The following BCL2 variants were observed in gnomAD, a reference collection of about 807,000 sequenced individuals.
BCL2 encodes apoptosis regulator Bcl-2.
BCL2 carries 1 observed loss-of-function variant against 14.2 expected under a neutral mutation model. The ratio of observed to expected loss-of-function variants is 0.07; its 90% CI spans 0.02 to 0.33. The LOEUF is 0.33. BCL2 is among the 10% of genes least tolerant of loss of function. BCL2 has a pLI of 0.99. For synonymous variants in BCL2, 151 were observed against 137.2 expected (o/e 1.10, Z -0.70); for missense variants, 247 against 305.9 (o/e 0.81, Z 1.44).
intron 2 of BCL2, among the ~76,000 whole-genome samples, chr18:63,198,952 C>CACACACAGACACACACTG (rs1909588980): frequency 6.8e-6 from 1 of 146,954 alleles, no homozygotes; most frequent in Non-Finnish European, 1.5e-5. Flanking sequence ...GACACAGAGA[C>CACACACAGACACACACTG]ACACACAGAC....
intron 2 of BCL2, among the ~76,000 whole-genome samples, chr18:63,170,279 T>C (rs1202647016): frequency 6.6e-6 from 1 of 152,052 alleles, no homozygotes; most frequent in Admixed American, 6.6e-5. Context: ...GAATAACTCA[T>C]TGAACTAAGC....
chr18:63,245,391 T>C (rs930627489), intron 2 of BCL2, among the ~76,000 whole-genome samples: 7 of 118,376 alleles, frequency 5.9e-5, no homozygotes, highest in Non-Finnish European at 1.5e-4. Flanking sequence ...TCAGTGCCAA[T>C]ACATTTCAAC....
chr18:63,317,849 G>A (rs771331866), intron 2 of BCL2: 99 of 1,401,878 alleles, frequency 7.1e-5, no homozygotes, highest in Non-Finnish European at 8.6e-5. Context: ...TAGATCTTTG[G>A]ATCTCCACGA....
intron 2 of BCL2, among the ~76,000 whole-genome samples, chr18:63,255,625 C>T (rs1167144450): frequency 1.3e-5 from 2 of 152,090 alleles, no homozygotes; most frequent in Admixed American, 1.3e-4. Flanking sequence ...TTGCAATTGA[C>T]CTGCTGACTA....
intron 2 of BCL2, among the ~76,000 whole-genome samples, chr18:63,131,307 C>T (rs1914063859): frequency 6.6e-6 from 1 of 152,176 alleles, no homozygotes; most frequent in Non-Finnish European, 1.5e-5. Flanking sequence ...GGAGAGGGCG[C>T]AAGGGCTTTC....
intron 2 of BCL2, among the ~76,000 whole-genome samples, chr18:63,260,918 A>C (rs540182470): frequency 3.3e-5 from 5 of 152,352 alleles, no homozygotes; most frequent in African/African-American, 9.6e-5. Flanking sequence ...CAGCACCCAT[A>C]ATATGTTAAA....
At chr18:63,129,487 C>T (rs776726506) in intron 2 of BCL2, among the ~76,000 whole-genome samples, 3 of 152,100 alleles carry the variant, frequency 2.0e-5, no homozygotes, top group Non-Finnish European at 4.4e-5. Context: ...CTATACTTTC[C>T]AGGCTGGTCT....
At chr18:63,302,513 A>G (rs1912993518) in intron 2 of BCL2, 1 of 985,294 alleles carries the variant, frequency 1.0e-6, no homozygotes. Context: ...CTACTCTAAA[A>G]AGTCATAACA....
In BCL2 at chr18:63,125,561, A is replaced by G. The variant is rs4987858; in HGVS notation, c.*3064T>C. The G allele has an allele frequency of 3.2e-3, 693 of 215,054 alleles. 2 individuals carry two copies. Among genetic ancestry groups the G allele is most frequent in the African/African-American group, 0.014 (629 of 44,478 alleles). 13.3% of individuals were successfully genotyped at this position (215,054 alleles called of 1,614,324 possible). On this transcript the variant is annotated 3_prime_UTR_variant, in exon 3 of 3. Coordinates refer to ENST00000333681, the MANE Select transcript of BCL2 (RefSeq NM_000633.3). ...CTGGCCAGTGTAAAGAGGAGTACATACAGAGGACTGTTTTTTCATTCATAA... is the reference window on the plus strand; with the variant it reads ...CTGGCCAGTGTAAAGAGGAGTACATGCAGAGGACTGTTTTTTCATTCATAA...
At chr18:63,202,264 G>A (rs904623318) in intron 2 of BCL2, among the ~76,000 whole-genome samples, 2 of 152,208 alleles carry the variant, frequency 1.3e-5, no homozygotes, top group African/African-American at 2.4e-5. Context: ...AGACGAGATC[G>A]GGCCACTGCA....
intron 2 of BCL2, among the ~76,000 whole-genome samples, chr18:63,267,464 C>T (rs75518920): frequency 0.039 from 5,868 of 152,074 alleles, 259 homozygotes; most frequent in African/African-American, 0.096. Flanking sequence ...AGAGGTGGGA[C>T]AGAAGAAAGA....
intron 2 of BCL2, among the ~76,000 whole-genome samples, chr18:63,201,887 G>A (rs1909705254): frequency 6.6e-6 from 1 of 152,098 alleles, no homozygotes; most frequent in African/African-American, 2.4e-5. Flanking sequence ...ATGTGACAGG[G>A]TGATGAGTGC....
intron 2 of BCL2, among the ~76,000 whole-genome samples, chr18:63,170,906 C>A (rs561376357): frequency 1.3e-5 from 2 of 152,168 alleles, no homozygotes; most frequent in African/African-American, 4.8e-5. Context: ...TTACACCAAT[C>A]GAGTGTCTTC....
chr18:63,286,715 A>T (rs1048519058), intron 2 of BCL2, among the ~76,000 whole-genome samples: 2 of 152,098 alleles, frequency 1.3e-5, no homozygotes, highest in Non-Finnish European at 2.9e-5. Context: ...TCCAGGTGAG[A>T]GGCAAGAAGT....
chr18:63,244,931 C>T (rs951856427), intron 2 of BCL2, among the ~76,000 whole-genome samples: 1 of 152,190 alleles, frequency 6.6e-6, no homozygotes, highest in Admixed American at 6.5e-5. Context: ...CTGTTTATAG[C>T]GTGTTTCCAT....
At chr18:63,294,312 C>T (rs1313426008) in intron 2 of BCL2, among the ~76,000 whole-genome samples, 1 of 152,128 alleles carries the variant, frequency 6.6e-6, no homozygotes, top group Non-Finnish European at 1.5e-5. Flanking sequence ...ACAAAGCTAT[C>T]TCAAGATCCA....
intron 2 of BCL2, among the ~76,000 whole-genome samples, chr18:63,283,250 A>G (rs115713011): frequency 0.014 from 2,200 of 152,298 alleles, 53 homozygotes; most frequent in African/African-American, 0.05. Flanking sequence ...TCATTTTCCG[A>G]GTTCTGAAAC....
chr18:63,169,387 CTTTTTCTT>C lies in BCL2; in HGVS notation c.586-40636_586-40629del, dbSNP rs1568222778. Among the ~76,000 whole-genome samples, 10 of 65,536 alleles carry C rather than the reference CTTTTTCTT, an allele frequency of 1.5e-4. 1 individual carries two copies. The highest frequency in any genetic ancestry group is 8.3e-4 in the African/African-American group (10 of 12,052). 43.0% of individuals were successfully genotyped at this position (65,536 alleles called of 152,430 possible). On this transcript the variant is annotated intron_variant, in intron 2 of 2. Transcript: ENST00000333681. ...TTTCTTTCTCTTTCTTTCTTTCTTTCTTTTTCTTTCTTTCTTTTTCTTTCTCTCTCTCT... is the reference window on the plus strand; with the variant it reads ...TTTCTTTCTCTTTCTTTCTTTCTTTCTCTTTCTTTTTCTTTCTCTCTCTCT...
chr18:63,202,990 A>T (rs983551119), intron 2 of BCL2, among the ~76,000 whole-genome samples: 1 of 152,108 alleles, frequency 6.6e-6, no homozygotes, highest in African/African-American at 2.4e-5. Context: ...CAGCCTGGGG[A>T]CTGGCGACCT....
Sources: gnomAD v4.1 joint callset for allele counts (sites outside exome capture counted in the v4.1 genomes callset) on GRCh38, gnomAD v4.1.1 for gene constraint, MANE v1.5 for transcripts, NCBI Gene and HGNC (gene_info 2026-07-23, HGNC 2026-07-21) for gene names.